EVI5: variants seen among roughly 807,000 people sequenced by gnomAD.
The protein encoded by EVI5 is ecotropic viral integration site 5 protein homolog.
Under a neutral mutation model 112.0 loss-of-function variants are expected in EVI5, and 73 were observed. That is an observed-to-expected ratio of 0.65 (90% CI 0.54 to 0.79). The LOEUF (loss-of-function observed/expected upper bound fraction) is 0.79. EVI5 is among the 30% of genes least tolerant of loss of function. The pLI is 0.00. For missense variants in EVI5, 900 were observed against 968.8 expected (o/e 0.93, Z 0.94); for synonymous variants, 305 against 319.9 (o/e 0.95, Z 0.50).
chr1:92,698,357 G>A (rs141809940), intron 5 of EVI5, among the ~76,000 whole-genome samples: 4 of 152,180 alleles, frequency 2.6e-5, no homozygotes, highest in Non-Finnish European at 4.4e-5. Flanking sequence ...GACAAGACAT[G>A]GAATAAATCA....
chr1:92,587,388 C>G (rs779739171), intron 18 of EVI5, among the ~76,000 whole-genome samples: 3 of 124,246 alleles, frequency 2.4e-5, no homozygotes, highest in East Asian at 2.3e-4. Flanking sequence ...GCTTCAGGGG[C>G]AAAAAAAAAA....
At chr1:92,751,742 G>C (rs1680225298) in intron 1 of EVI5, among the ~76,000 whole-genome samples, 1 of 152,120 alleles carries the variant, frequency 6.6e-6, no homozygotes, top group African/African-American at 2.4e-5. Flanking sequence ...ACCGGGCACA[G>C]TGGCTCCCGT....
chr1:92,748,532 G>A (rs1229554368), intron 1 of EVI5, among the ~76,000 whole-genome samples: 4 of 152,150 alleles, frequency 2.6e-5, no homozygotes, highest in African/African-American at 9.7e-5. Flanking sequence ...AAGTTTCATG[G>A]TGGTTTGTTA....
intron 18 of EVI5, 50 bp from the exon 19 acceptor site, chr1:92,563,787 G>T: frequency 1.8e-6 from 2 of 1,094,468 alleles, no homozygotes; most frequent in Non-Finnish European, 2.8e-6. Context: ...ATTTTTCACA[G>T]CATGTACTCA....
intron 13 of EVI5, among the ~76,000 whole-genome samples, chr1:92,637,894 A>T (rs569897408): frequency 1.3e-5 from 2 of 152,342 alleles, no homozygotes; most frequent in South Asian, 4.1e-4. Flanking sequence ...TCTTCTAGTA[A>T]TTTTGATACT....
intron 1 of EVI5, among the ~76,000 whole-genome samples, chr1:92,752,834 T>C (rs1680394477): frequency 6.6e-6 from 1 of 152,136 alleles, no homozygotes; most frequent in Admixed American, 6.5e-5. Flanking sequence ...TGCTTAGTAA[T>C]ACCAGTATCA....
chr1:92,745,195 C>G (rs147779993), intron 1 of EVI5, among the ~76,000 whole-genome samples: 59 of 151,172 alleles, frequency 3.9e-4, no homozygotes, highest in African/African-American at 1.4e-3. Flanking sequence ...CTGCCTCAGG[C>G]TCCAAAAGTG....
intron 2 of EVI5, among the ~76,000 whole-genome samples, chr1:92,715,549 G>A (rs1673498074): frequency 6.6e-6 from 1 of 152,204 alleles, no homozygotes; most frequent in Admixed American, 6.5e-5. Context: ...GATCGACGCA[G>A]AAGACGGGTG....
At chr1:92,695,572 G>C (rs965979662) in intron 6 of EVI5, 119 bp from the exon 7 acceptor site, 1 of 559,428 alleles carries the variant, frequency 1.8e-6, no homozygotes, top group East Asian at 3.3e-5. Context: ...ATATGGAAAA[G>C]GTAAGACATA....
At chr1:92,699,644 G>A (rs780731874) in intron 5 of EVI5, among the ~76,000 whole-genome samples, 8 of 152,024 alleles carry the variant, frequency 5.3e-5, no homozygotes, top group Non-Finnish European at 1.2e-4. Context: ...ATACACCTAG[G>A]CTATATGCTA....
intron 13 of EVI5, among the ~76,000 whole-genome samples, chr1:92,658,594 T>C (rs1663423535): frequency 1.3e-5 from 2 of 152,080 alleles, no homozygotes; most frequent in African/African-American, 2.4e-5. Flanking sequence ...CACCAACAAA[T>C]GGAAAAAACA....
At chr1:92,787,608 G>A (rs569490364), upstream of EVI5, among the ~76,000 whole-genome samples, 1 of 152,258 alleles carries the variant, frequency 6.6e-6, no homozygotes, top group Non-Finnish European at 1.5e-5. Flanking sequence ...AGGTGTGGTG[G>A]TAGGCACCTG....
chr1:92,613,134 G>A (rs1281033816), intron 16 of EVI5, among the ~76,000 whole-genome samples: 1 of 151,930 alleles, frequency 6.6e-6, no homozygotes, highest in Non-Finnish European at 1.5e-5. Context: ...AAGAAACGCT[G>A]CTGTCTTTGG....
intron 19 of EVI5, among the ~76,000 whole-genome samples, chr1:92,553,586 C>A (rs1667287082): frequency 6.6e-6 from 1 of 152,080 alleles, no homozygotes; most frequent in Non-Finnish European, 1.5e-5. Context: ...CAGGCGTGAG[C>A]CACCGTGCCC....
intron 2 of EVI5, chr1:92,714,021 G>A (rs1673236601): frequency 1.0e-6 from 1 of 984,424 alleles, no homozygotes; most frequent in African/African-American, 1.7e-5. Context: ...CTCTGCCAAA[G>A]CCTTTGTGAT....
chr1:92,786,925 C>T (rs1685683561), upstream of EVI5, among the ~76,000 whole-genome samples: 1 of 152,192 alleles, frequency 6.6e-6, no homozygotes, highest in Non-Finnish European at 1.5e-5. Context: ...AGAGCTTTTA[C>T]TCATGCTTTG....
intron 13 of EVI5, among the ~76,000 whole-genome samples, chr1:92,642,650 T>C (rs1351124009): frequency 6.6e-6 from 1 of 152,248 alleles, no homozygotes; most frequent in Admixed American, 6.5e-5. Context: ...TTTAATTTTA[T>C]TAACATTTAT....
chr1:92,692,213 T>C (rs183902716), intron 9 of EVI5, among the ~76,000 whole-genome samples: 31 of 152,290 alleles, frequency 2.0e-4, no homozygotes, highest in South Asian at 4.1e-4. Flanking sequence ...ACAGGATTAA[T>C]TGAAATTTCA....
chr1:92,575,047 G>C (rs2101025738), intron 18 of EVI5, among the ~76,000 whole-genome samples: 4 of 152,260 alleles, frequency 2.6e-5, no homozygotes, highest in African/African-American at 9.6e-5. Flanking sequence ...TGAAGTAGTA[G>C]AAAGTGCCCC....
Sources: gnomAD v4.1 joint callset for allele counts (sites outside exome capture counted in the v4.1 genomes callset) on GRCh38, gnomAD v4.1.1 for gene constraint, MANE v1.5 for transcripts, NCBI Gene and HGNC (gene_info 2026-07-23, HGNC 2026-07-21) for gene names.